THSD4: variants seen among roughly 807,000 people sequenced by gnomAD.
The protein encoded by THSD4 is thrombospondin type-1 domain-containing protein 4.
In THSD4, 69 loss-of-function variants were observed where a neutral mutation model predicts 119.0. That is an observed-to-expected ratio of 0.58 (90% CI 0.48 to 0.71). THSD4 has a LOEUF of 0.71. THSD4 is among the 30% of genes least tolerant of loss of function. THSD4 has a pLI of 0.00. For synonymous variants in THSD4, 524 were observed against 540.4 expected (o/e 0.97, Z 0.42); for missense variants, 1,393 against 1,391.1 (o/e 1.00, Z -0.02).
At chr15:71,328,990 T>C (rs1462124995) in intron 6 of THSD4, among the ~76,000 whole-genome samples, 1 of 152,182 alleles carries the variant, frequency 6.6e-6, no homozygotes, top group Non-Finnish European at 1.5e-5. Context: ...GTTCTAGTAC[T>C]ACAAGATCAA....
At chr15:71,130,648 A>C (rs1341849771) in intron 1 of THSD4, among the ~76,000 whole-genome samples, 1 of 152,274 alleles carries the variant, frequency 6.6e-6, no homozygotes, top group Non-Finnish European at 1.5e-5. Context: ...AAATGGGGAT[A>C]GGAATAGCAC....
chr15:71,649,981 C>T (rs527514132), intron 7 of THSD4, among the ~76,000 whole-genome samples: 152 of 152,290 alleles, frequency 1.0e-3, no homozygotes, highest in African/African-American at 3.4e-3. Flanking sequence ...AGAGGAGGGA[C>T]GGCAGAGACC....
chr15:71,191,821 C>G (rs1447613977), intron 3 of THSD4, among the ~76,000 whole-genome samples: 1 of 152,224 alleles, frequency 6.6e-6, no homozygotes, highest in East Asian at 1.9e-4. Flanking sequence ...TTTTCCTCCT[C>G]TATATTTTTG....
At chr15:71,395,995 C>T (rs747142523) in intron 6 of THSD4, among the ~76,000 whole-genome samples, 1 of 148,840 alleles carries the variant, frequency 6.7e-6, no homozygotes, top group Non-Finnish European at 1.5e-5. Flanking sequence ...GTTCAGGCGT[C>T]GGGATTCGCT....
In THSD4 at chr15:71,547,258, C is replaced by T. The variant is rs972782624; in HGVS notation, c.1153-113272C>T. 78 of 1,419,276 alleles carry T rather than the reference C, an allele frequency of 5.5e-5. No homozygotes were observed. The African/African-American group carries it at 9.8e-4, about 18-fold the overall frequency. 87.9% of individuals were successfully genotyped at this position (1,419,276 alleles called of 1,614,324 possible). A position where few individuals can be genotyped will look rare whatever the true frequency, so the allele number is the denominator to read the frequency against. On this transcript the variant is annotated intron_variant, in intron 7 of 17. Coordinates refer to ENST00000261862, the MANE Select transcript of THSD4 (RefSeq NM_024817.3). Reference sequence around the variant, plus strand: ...TTCAGAACAGAGGCTGAGCTCGAAGCGCCGGGCAGTACAGTGAGGGAGAGC... The same window carrying T: ...TTCAGAACAGAGGCTGAGCTCGAAGTGCCGGGCAGTACAGTGAGGGAGAGC...
At chr15:71,660,762 C>T in intron 8 of THSD4, 28 bp downstream of exon 8, 1 of 1,612,506 alleles carries the variant, frequency 6.2e-7, no homozygotes, top group South Asian at 1.1e-5. Flanking sequence ...CCAGAGAAAA[C>T]CGTCTGTCCC....
chr15:71,325,856 C>G (rs981295152), intron 6 of THSD4, among the ~76,000 whole-genome samples: 1 of 152,134 alleles, frequency 6.6e-6, no homozygotes, highest in African/African-American at 2.4e-5. Flanking sequence ...CAGGGGACAC[C>G]TATAGGTTAT....
At chr15:71,679,310 C>T in intron 8 of THSD4, among the ~76,000 whole-genome samples, 1 of 151,982 alleles carries the variant, frequency 6.6e-6, no homozygotes, top group South Asian at 2.1e-4. Flanking sequence ...GGCTGGCAAC[C>T]TTTTTTTTGG....
chr15:71,157,341 A>G (rs1030184037), intron 3 of THSD4, among the ~76,000 whole-genome samples: 2 of 152,246 alleles, frequency 1.3e-5, no homozygotes, highest in Admixed American at 6.5e-5. Context: ...CATAGTAATT[A>G]TACATATTTA....
At position 71,604,468 on chromosome 15, in the gene THSD4, T is replaced by C. The variant is rs970685618; in HGVS notation, c.1153-56062T>C. ...AGTTGGACTTACTATGGCATTTTAT[T>C]CAGCAGTTTGAGAATTTCAGACCAA... On this transcript the variant is annotated intron_variant, in intron 7 of 17. Coordinates refer to ENST00000261862, the MANE Select transcript of THSD4 (RefSeq NM_024817.3). Among the ~76,000 whole-genome samples, 6 of 152,326 alleles carry C rather than the reference T, an allele frequency of 3.9e-5. No individual in the cohort carries two copies. The East Asian group carries it at 1.2e-3, about 29-fold the overall frequency.
intron 4 of THSD4, among the ~76,000 whole-genome samples, chr15:71,235,674 G>A (rs1291553247): frequency 7.1e-6 from 1 of 139,926 alleles, no homozygotes; most frequent in Non-Finnish European, 1.5e-5. Flanking sequence ...TGCCACCTCC[G>A]CCTCCCAGTT....
At chr15:71,246,905 T>G (rs1050913213) in intron 5 of THSD4, among the ~76,000 whole-genome samples, 9 of 150,802 alleles carry the variant, frequency 6.0e-5, no homozygotes, top group African/African-American at 2.2e-4. Context: ...TTTTTTTTTT[T>G]TTGAGATAGA....
intron 7 of THSD4, among the ~76,000 whole-genome samples, chr15:71,510,026 G>A (rs543499707): frequency 6.6e-6 from 1 of 152,314 alleles, no homozygotes; most frequent in Non-Finnish European, 1.5e-5. Context: ...GAAGTTAGAA[G>A]CTTTTCATGC....
chr15:71,551,767 CT>C (rs1416694729), intron 7 of THSD4, among the ~76,000 whole-genome samples: 2 of 152,148 alleles, frequency 1.3e-5, no homozygotes, highest in Non-Finnish European at 2.9e-5. Context: ...AGCCCAGCAT[CT>C]TTACTGGGGC....
intron 6 of THSD4, among the ~76,000 whole-genome samples, chr15:71,362,091 A>G (rs935428024): frequency 6.6e-6 from 1 of 152,346 alleles, no homozygotes; most frequent in Admixed American, 6.5e-5. Flanking sequence ...AGCCTGGCCA[A>G]CATGGCGAAA....
At chr15:71,165,161 T>C in intron 3 of THSD4, 23 of 1,593,406 alleles carry the variant, frequency 1.4e-5, no homozygotes, top group Non-Finnish European at 2.0e-5. Context: ...GAACTTCTTT[T>C]TTGTCTCCCC....
Position 71,242,785 on chromosome 15 carries a change from T to C in THSD4, c.601T>C (p.Ser201Pro). ...GAAGCTCTCATCCCGCCATTCCAGG[T>C]CCCAGGGAGCATCTTCTGCTAGGCA... ...RQKLSSRHSRSQGASSARHGY... is the reference protein window; with the variant it reads ...RQKLSSRHSRPQGASSARHGY... Residue 201 changes from serine (S) to proline (P), a missense_variant, in exon 5 of 18, where the codon TCC becomes CCC. Physicochemically the swap from Ser to Pro is moderately conservative, Grantham distance 74 (BLOSUM62 -1). Coordinates refer to ENST00000261862, the MANE Select transcript of THSD4 (RefSeq NM_024817.3). 6.2e-7 allele frequency: 1 copy of C among 1,614,078 alleles called. No homozygotes were observed. The highest frequency in any genetic ancestry group is 8.5e-7 in the Non-Finnish European group (1 of 1,180,026).
At chr15:71,722,629 T>G (rs2052743681) in intron 8 of THSD4, among the ~76,000 whole-genome samples, 1 of 152,210 alleles carries the variant, frequency 6.6e-6, no homozygotes, top group Non-Finnish European at 1.5e-5. Context: ...CTTTCACAAG[T>G]ATTTCTGCTT....
At chr15:71,308,397 C>T (rs190465759) in intron 6 of THSD4, among the ~76,000 whole-genome samples, 1 of 152,166 alleles carries the variant, frequency 6.6e-6, no homozygotes, top group Non-Finnish European at 1.5e-5. Context: ...ATTCTTTTTC[C>T]TGCTAGGGTG....
Sources: gnomAD v4.1 joint callset for allele counts (sites outside exome capture counted in the v4.1 genomes callset) on GRCh38, gnomAD v4.1.1 for gene constraint, MANE v1.5 for transcripts, NCBI Gene and HGNC (gene_info 2026-07-23, HGNC 2026-07-21) for gene names.